HACD4: variants seen among roughly 807,000 people sequenced by gnomAD.
The protein encoded by HACD4 is 3-hydroxyacyl-CoA dehydratase 4.
A neutral mutation model predicts 33.3 loss-of-function variants in HACD4; 35 were observed. The ratio of observed to expected loss-of-function variants is 1.05; its 90% confidence interval spans 0.80 to 1.39. HACD4 has a LOEUF of 1.39. Among genes scored for constraint, HACD4 ranks in the 40% most tolerant of loss-of-function variants. HACD4 has a pLI of 0.00. For missense variants in HACD4, 323 were observed against 276.5 expected (o/e 1.17, Z -1.19); for synonymous variants, 118 against 98.0 (o/e 1.20, Z -1.21).
rs1842435813 is a variant in HACD4 at position 21,011,536 on chromosome 9, A to G, written c.490+53T>C. The G allele has an allele frequency of 3.7e-6, 4 of 1,087,732 alleles. No individual in the cohort carries two copies. The South Asian group carries it at 5.1e-5, about 14-fold the overall frequency. The allele number at this position is 1,087,732 out of a possible 1,614,324, so 67.4% of individuals were successfully genotyped here. ...TCATCAAAAAATTTAGTGAACCATT[A>G]TAACTAGATGGCTTTTGTCAGTAAG... is the stretch of plus-strand genomic sequence containing the variant. On this transcript the variant is annotated intron_variant, in intron 5 of 6. Transcript: ENST00000495827.
At position 21,011,686 on chromosome 9, in the gene HACD4, A is replaced by G. The variant is rs750214080; in HGVS notation, c.393T>C (p.Tyr131=). The change falls in exon 5 of 7, where the codon TAT becomes TAC. Residue 131 remains tyrosine, a synonymous_variant. Transcript: ENST00000495827. ...ATATTCCTATGACTGATAACATGCTATAAGTGTACCTGAAAGGAGATGAGA... is the reference window on the plus strand; with the variant it reads ...ATATTCCTATGACTGATAACATGCTGTAAGTGTACCTGAAAGGAGATGAGA... ...WNLLDMVRYT[Y]SMLSVIGISY... 22 of 1,590,144 alleles carry G rather than the reference A, an allele frequency of 1.4e-5. No homozygotes were observed. In the Admixed American group the frequency reaches 1.9e-4, roughly 14 times the overall value.
intron 3 of HACD4, among the ~76,000 whole-genome samples, chr9:21,019,212 CT>C (rs1483507171): frequency 2.0e-5 from 3 of 152,054 alleles, no homozygotes; most frequent in Non-Finnish European, 4.4e-5. Flanking sequence ...GACCAAGCCC[CT>C]GCCTTCATGA....
In HACD4 at chr9:21,031,591, G is replaced by C; in HGVS notation, c.-1C>G. 2 of 1,435,420 alleles carry C rather than the reference G, an allele frequency of 1.4e-6. No homozygotes were observed. 88.9% of individuals were successfully genotyped at this position (1,435,420 alleles called of 1,614,324 possible). A position where few individuals can be genotyped will look rare whatever the true frequency, so the allele number is the denominator to read the frequency against. ...AGGCGGGCAGCGCCAAGGGCCCCAT[G>C]GGCCGCCGCCGCCAGGGCTTCCAGC... On this transcript the variant is annotated 5_prime_UTR_variant, in exon 1 of 7. Transcript: ENST00000495827.
In HACD4 at chr9:21,000,005, G is replaced by C. The variant is rs1285148733; in HGVS notation, c.*7032C>G. On this transcript the variant is annotated 3_prime_UTR_variant, in exon 7 of 7. Transcript: ENST00000495827. ...GGTTAAGGAAACTGGAACTCAAAGA[G>C]TCATTCAGTTAGTAAATAATGGAGC... 6.6e-6 allele frequency: 1 copy of C among 152,198 alleles called. No homozygotes were observed. Among genetic ancestry groups the C allele is most frequent in the African/African-American group, 2.4e-5 (1 of 41,458 alleles). The allele number at this position is 152,198 out of a possible 1,614,324, so 9.4% of individuals were successfully genotyped here.
chr9:21,026,446 A>G lies in HACD4; in HGVS notation c.270+150T>C, dbSNP rs866943279. On this transcript the variant is annotated intron_variant, in intron 3 of 6. Coordinates refer to ENST00000495827, the MANE Select transcript of HACD4 (RefSeq NM_001010915.5). ...GTTATTCTAACTGGGCAGTTTTACA[A>G]TAAGGTTGTCCTTCCATGAAATTAA... 4.4e-5 allele frequency: 29 copies of G among 661,122 alleles called. No homozygotes were observed. The Middle Eastern group carries it at 2.0e-3, about 46-fold the overall frequency. 41.0% of individuals were successfully genotyped at this position (661,122 alleles called of 1,614,324 possible).
chr9:21,029,590 T>A (rs904554012), intron 1 of HACD4, among the ~76,000 whole-genome samples, 192 bp from the exon 2 acceptor site: 6 of 152,172 alleles, frequency 3.9e-5, no homozygotes, highest in African/African-American at 1.4e-4. Context: ...CCCGCTAAAG[T>A]AAATACAGAT....
At chr9:21,012,721 C>G (rs1842465366) in intron 4 of HACD4, among the ~76,000 whole-genome samples, 1 of 152,128 alleles carries the variant, frequency 6.6e-6, no homozygotes, top group Non-Finnish European at 1.5e-5. Context: ...GGTATCTCAT[C>G]TTTTTCCCCT....
chr9:21,027,109 C>T (rs935522303), intron 2 of HACD4, among the ~76,000 whole-genome samples: 23 of 152,184 alleles, frequency 1.5e-4, no homozygotes, highest in African/African-American at 5.3e-4. Flanking sequence ...CTCACAGCTT[C>T]TCCACTGACA....
Position 21,005,829 on chromosome 9 carries a change from G to A in HACD4, c.*1208C>T, listed in dbSNP as rs116873518. The stretch of plus-strand genomic sequence containing the variant: ...ATGGTGTTTGCCTTGCTAGGTTTTG[G>A]ACTTGCTGGGGACCCATTACACCTT... On this transcript the variant is annotated 3_prime_UTR_variant, in exon 7 of 7. Transcript: ENST00000495827. This position sits in a 1 kb window ranked among gnomAD's most constrained non-coding sequence, Gnocchi z 4.0. The A allele has an allele frequency of 6.6e-6, 1 of 152,284 alleles. No individual in the cohort carries two copies. The highest frequency in any genetic ancestry group is 1.5e-5 in the Non-Finnish European group (1 of 68,142). The allele number at this position is 152,284 out of a possible 1,614,324, so 9.4% of individuals were successfully genotyped here. A position where few individuals can be genotyped will look rare whatever the true frequency, so the allele number is the denominator to read the frequency against.
At chr9:21,007,793 T>C (rs1440828184) in intron 6 of HACD4, among the ~76,000 whole-genome samples, 1 of 152,196 alleles carries the variant, frequency 6.6e-6, no homozygotes, top group Non-Finnish European at 1.5e-5. Flanking sequence ...TATTTTCTGA[T>C]AGTAAAATTG....
At chr9:21,022,064 G>A (rs891515119) in intron 3 of HACD4, among the ~76,000 whole-genome samples, 27 of 152,178 alleles carry the variant, frequency 1.8e-4, no homozygotes, top group African/African-American at 6.5e-4. Flanking sequence ...AGAGCCCTCA[G>A]AAGTAATACC....
rs1305748875 is a variant in HACD4, at chr9:21,000,617, A to T, written c.*6420T>A. On this transcript the variant is annotated 3_prime_UTR_variant, in exon 7 of 7. Transcript: ENST00000495827. ...GAACACTACCCTGGAGAACCATGTC[A>T]TATCAACATTAGCATATAACTCAGA... The T allele has an allele frequency of 1.3e-5, 2 of 152,184 alleles. No individual in the cohort carries two copies. Among genetic ancestry groups the T allele is most frequent in the Non-Finnish European group, 2.9e-5 (2 of 68,002 alleles). 9.4% of individuals were successfully genotyped at this position (152,184 alleles called of 1,614,324 possible).
At chr9:21,007,481 G>T (rs1388911625) in intron 6 of HACD4, among the ~76,000 whole-genome samples, 1 of 152,074 alleles carries the variant, frequency 6.6e-6, no homozygotes, top group African/African-American at 2.4e-5. Flanking sequence ...GGTTAGAGCT[G>T]GGAAAACAAA....
rs1336391595 is a variant in HACD4, at chr9:21,000,345, G to A, written c.*6692C>T. On this transcript the variant is annotated 3_prime_UTR_variant, in exon 7 of 7. Coordinates refer to ENST00000495827, the MANE Select transcript of HACD4 (RefSeq NM_001010915.5). ...TCATCCCTGTTCTGAAAACATTGGT[G>A]GCTTTTATATAAGTAGTTCTTTTTA... The A allele has an allele frequency of 6.6e-6, 1 of 152,132 alleles. No individual in the cohort carries two copies. The highest frequency in any genetic ancestry group is 2.4e-5 in the African/African-American group (1 of 41,434). The allele number at this position is 152,132 out of a possible 1,614,324, so 9.4% of individuals were successfully genotyped here. A position where few individuals can be genotyped will look rare whatever the true frequency, so the allele number is the denominator to read the frequency against.
rs775471244 is a variant in HACD4 at position 21,029,334 on chromosome 9, A to C, written c.103T>G (p.Phe35Val). 7.3e-5 allele frequency: 117 copies of C among 1,600,228 alleles called. No homozygotes were observed. The highest frequency in any genetic ancestry group is 9.7e-5 in the Non-Finnish European group (113 of 1,169,746). ...AAGAATCTGACTGTCATATTTGTAA[A>C]TATCCAAGAGTGGCCACAGAACTGG... ...LIQFCGHSWI[F>V]TNMTVRFFSF... The change falls in exon 2 of 7, where the codon TTT (phenylalanine) becomes GTT (valine). Residue 35 changes from phenylalanine (F) to valine (V), a missense_variant. Transcript: ENST00000495827.
intron 6 of HACD4, 54 bp downstream of exon 6, chr9:21,007,967 A>G (rs1842310575): frequency 1.3e-6 from 2 of 1,527,544 alleles, no homozygotes; most frequent in Admixed American, 2.0e-5. Context: ...GACGGCAAGC[A>G]CTAACCAAAA....
intron 1 of HACD4, 68 bp from the exon 2 acceptor site, chr9:21,029,466 C>A (rs1818151333): frequency 3.1e-6 from 3 of 977,126 alleles, no homozygotes; most frequent in East Asian, 2.6e-5. Flanking sequence ...GTACACATGC[C>A]CTTTAATGTA....
intron 6 of HACD4, among the ~76,000 whole-genome samples, chr9:21,007,476 G>C (rs2132766136): frequency 6.6e-6 from 1 of 152,246 alleles, no homozygotes; most frequent in South Asian, 2.1e-4. Context: ...GTGAAGGTTA[G>C]AGCTGGGAAA....
chr9:21,015,864 A>G, intron 4 of HACD4, 34 bp downstream of exon 4: 1 of 1,387,888 alleles, frequency 7.2e-7, no homozygotes, highest in South Asian at 1.2e-5. Context: ...AAAGCAATTT[A>G]GCCTTGTTTT....
Sources: allele counts gnomAD v4.1 joint callset (sites outside exome capture counted in the v4.1 genomes callset), GRCh38; gene constraint gnomAD v4.1.1; non-coding constraint Gnocchi (gnomAD v3.1); transcripts MANE v1.5; gene names NCBI Gene and HGNC (gene_info 2026-07-23, HGNC 2026-07-21).